RPGR: variants seen among roughly 807,000 people sequenced by gnomAD.
RPGR encodes X-linked retinitis pigmentosa GTPase regulator.
Under a neutral mutation model 56.3 loss-of-function variants are expected in RPGR, and 10 were observed. The observed-to-expected ratio is 0.18, with a 90% CI of 0.11 to 0.30. RPGR has a LOEUF of 0.30. RPGR is among the 10% of genes least tolerant of loss of function. The pLI is 1.00. For synonymous variants in RPGR, 197 were observed against 212.9 expected (o/e 0.93, Z 0.65); for missense variants, 538 against 590.9 (o/e 0.91, Z 0.93).
intron 10 of RPGR, 109 bp from the exon 11 acceptor site, chrX:38,297,561 C>T (rs1237784502): frequency 8.0e-6 from 5 of 622,318 alleles, no homozygotes; most frequent in Non-Finnish European, 1.3e-5. Context: ...TCAAAGTATG[C>T]CAACACTCCA....
In RPGR at chrX:38,285,988, TCTC is replaced by T. The variant is rs1465232215; in HGVS notation, c.1905+1103_1905+1105del. On this transcript the variant is annotated intron_variant, in intron 15 of 18. Transcript: ENST00000642395. ...TTCTCCCTCCCCTTCTTCCTCTCCC[TCTC>T]CTTCTTCCTCCCCTTCTTCTTCCCC... 7.5e-5 allele frequency: 58 copies of T among 774,251 alleles called. No individual in the cohort carries two copies. The highest frequency in any genetic ancestry group is 4.9e-4 in the South Asian group (20 of 40,645). 63.8% of individuals were successfully genotyped at this position (774,251 alleles called of 1,213,427 possible). A position where few individuals can be genotyped will look rare whatever the true frequency, so the allele number is the denominator to read the frequency against.
chrX:38,292,101 A>AT (rs1028724376), intron 11 of RPGR, among the ~76,000 whole-genome samples: 1 of 110,495 alleles, frequency 9.1e-6, no homozygotes, highest in Non-Finnish European at 1.9e-5. Flanking sequence ...GCCAATGGCC[A>AT]TGTGAATGAG....
Position 38,284,850 on chromosome X carries a change from T to A in RPGR, c.1905+2244A>T, listed in dbSNP as rs1045436722. The A allele has an allele frequency of 4.0e-6, 3 of 750,320 alleles. No homozygotes were observed. In the African/African-American group the frequency reaches 6.9e-5, roughly 17 times the overall value. The allele number at this position is 750,320 out of a possible 1,213,427, so 61.8% of individuals were successfully genotyped here. On this transcript the variant is annotated intron_variant, in intron 15 of 18. Coordinates refer to ENST00000642395, the MANE Select transcript of RPGR (RefSeq NM_000328.3). ...CCTGGACAAAAAATACTTCAAGTTT[T>A]ACATATTTCCAGATTATACATTTAA...
intron 15 of RPGR, among the ~76,000 whole-genome samples, chrX:38,280,804 C>T (rs1007423607): frequency 2.7e-5 from 3 of 110,408 alleles, no homozygotes; most frequent in East Asian, 2.8e-4. Context: ...CAAAGTTCTG[C>T]GATTACAGGT....
rs948736106 is a variant in RPGR, at chrX:38,290,950, A to G, written c.1572+9T>C. The G allele has an allele frequency of 5.2e-6, 5 of 964,477 alleles. No homozygotes were observed. The Admixed American group carries it at 6.9e-5, about 13-fold the overall frequency. 79.5% of individuals were successfully genotyped at this position (964,477 alleles called of 1,213,427 possible). On this transcript the variant is annotated intron_variant, in intron 13 of 18. Coordinates refer to ENST00000642395, the MANE Select transcript of RPGR (RefSeq NM_000328.3). The stretch of plus-strand genomic sequence containing the variant: ...CCAACAATAACGAAAATAAATCTTC[A>G]TATTATACCTTTTGTTTCTGAACTG...
At chrX:38,314,803 A>G (rs1006645903) in intron 6 of RPGR, among the ~76,000 whole-genome samples, 3 of 112,235 alleles carry the variant, frequency 2.7e-5, no homozygotes, top group Non-Finnish European at 5.6e-5. Context: ...TAACTATCTT[A>G]GTAATATGTT....
At chrX:38,284,799 A>C (rs1016764036) in intron 15 of RPGR, 12 of 738,732 alleles carry the variant, frequency 1.6e-5, no homozygotes, top group Non-Finnish European at 3.2e-6. Flanking sequence ...AGAGATGAAG[A>C]AACTGAGGCC....
At chrX:38,292,675 A>G (rs1207270677) in intron 11 of RPGR, among the ~76,000 whole-genome samples, 1 of 112,783 alleles carries the variant, frequency 8.9e-6, no homozygotes, top group East Asian at 2.8e-4. Context: ...GGGTATACAT[A>G]TACTAATAAG....
intron 11 of RPGR, among the ~76,000 whole-genome samples, chrX:38,292,821 C>A (rs1876569632): frequency 9.0e-6 from 1 of 110,945 alleles, no homozygotes. Context: ...TACAGAGGTA[C>A]ATAGAAAGAT....
Position 38,273,492 on chromosome X carries a change from T to C in RPGR, c.2150-15A>G. On this transcript the variant is annotated splice_polypyrimidine_tract_variant and intron_variant, in intron 17 of 18. Coordinates refer to ENST00000642395, the MANE Select transcript of RPGR (RefSeq NM_000328.3). ...AAGCATGTATCCTACAATTGGATCA[T>C]TCAGAAATACTAGTTTTAACTAATA... The C allele has an allele frequency of 8.7e-7, 1 of 1,143,786 alleles. No individual in the cohort carries two copies. Among genetic ancestry groups the C allele is most frequent in the Non-Finnish European group, 1.2e-6 (1 of 837,668 alleles). 94.3% of individuals were successfully genotyped at this position (1,143,786 alleles called of 1,213,427 possible).
Position 38,288,025 on chromosome X carries a change from C to T in RPGR, c.1589G>A (p.Gly530Glu). The change falls in exon 14 of 19, where the codon GGG (glycine) becomes GAG (glutamate). Residue 530 changes from glycine to glutamate, a missense_variant. By Grantham distance (98) the Gly-to-Glu change is moderately conservative. Transcript: ENST00000642395. ...AAGAGCTGTATCCTGCGTCAGTTCCCCAATTGTTTGTTGTTTCTGTAAATT... is the reference window on the plus strand; with the variant it reads ...AAGAGCTGTATCCTGCGTCAGTTCCTCAATTGTTTGTTGTTTCTGTAAATT... The T allele has an allele frequency of 8.3e-7, 1 of 1,209,201 alleles. No individual in the cohort carries two copies. Among genetic ancestry groups the T allele is most frequent in the Non-Finnish European group, 1.1e-6 (1 of 893,649 alleles).
In RPGR at chrX:38,287,369, C is replaced by A. The variant is rs751043485; in HGVS notation, c.1754-124G>T. ...TACCGTATGTTTTGGTCAGTTTCCA[C>A]TTCATCATCCTCTTTCTCTCCACTA... On this transcript the variant is annotated intron_variant, in intron 14 of 18. Coordinates refer to ENST00000642395, the MANE Select transcript of RPGR (RefSeq NM_000328.3). 6 of 1,025,577 alleles carry A rather than the reference C, an allele frequency of 5.9e-6. No individual in the cohort carries two copies. In the East Asian group the frequency reaches 1.5e-4, roughly 26 times the overall value. 84.5% of individuals were successfully genotyped at this position (1,025,577 alleles called of 1,213,427 possible).
At chrX:38,272,145 A>G (rs188597819) in intron 18 of RPGR, among the ~76,000 whole-genome samples, 3 of 111,180 alleles carry the variant, frequency 2.7e-5, no homozygotes, top group African/African-American at 9.9e-5. Flanking sequence ...ATTAAAAGAC[A>G]TGTACCCATA....
chrX:38,288,147 G>T, intron 13 of RPGR, 106 bp from the exon 14 acceptor site: 2 of 751,399 alleles, frequency 2.7e-6, no homozygotes. Context: ...TATAAGTTTA[G>T]GAGAATCAAA....
Position 38,299,059 on chromosome X carries a change from T to C in RPGR, c.1142A>G (p.Asn381Ser), listed in dbSNP as rs778997316. 8.3e-7 allele frequency: 1 copy of C among 1,211,708 alleles called. No individual in the cohort carries two copies. The highest frequency in any genetic ancestry group is 2.2e-5 in the Admixed American group (1 of 46,022). The change falls in exon 10 of 19, where the codon AAT becomes AGT. Residue 381 changes from asparagine to serine, a missense_variant. Asn to Ser is a conservative substitution (Grantham distance 46). Coordinates refer to ENST00000642395, the MANE Select transcript of RPGR (RefSeq NM_000328.3). ...AGTCGCCACAGATAAGCAAGTATCA[T>C]TTATTTCATCGAATTCAATTTCTTT...
At chrX:38,275,915 C>T (rs896537320) in intron 16 of RPGR, among the ~76,000 whole-genome samples, 6 of 111,518 alleles carry the variant, frequency 5.4e-5, no homozygotes, top group African/African-American at 1.3e-4. Context: ...CTTTGGGTTG[C>T]GGAATTCCAT....
chrX:38,324,119 T>C (rs1272649518), intron 1 of RPGR, among the ~76,000 whole-genome samples: 1 of 111,975 alleles, frequency 8.9e-6, no homozygotes, highest in Non-Finnish European at 1.9e-5. Flanking sequence ...GGTCTCACTC[T>C]GTCACCCAGC....
chrX:38,295,469 G>T lies in RPGR; in HGVS notation c.1414+1815C>A, dbSNP rs376154988. Reference sequence around the variant, plus strand: ...CCTTTTGATCTAGCTACAAAATCATGCATATTTTCACATTCAAATCTCTGG... The same window carrying T: ...CCTTTTGATCTAGCTACAAAATCATTCATATTTTCACATTCAAATCTCTGG... On this transcript the variant is annotated intron_variant, in intron 11 of 18. Coordinates refer to ENST00000642395, the MANE Select transcript of RPGR (RefSeq NM_000328.3). 3.4e-3 allele frequency among the ~76,000 whole-genome samples: 378 copies of T among 112,262 alleles called. 1 individual carries two copies. The highest frequency in any genetic ancestry group is 0.012 in the African/African-American group (358 of 30,951).
intron 11 of RPGR, chrX:38,296,159 C>T (rs2067378215): frequency 9.1e-6 from 1 of 110,022 alleles, no homozygotes; most frequent in Non-Finnish European, 1.9e-5. Flanking sequence ...AAAAAAAATA[C>T]AAAAAATTAG....
Sources: allele counts gnomAD v4.1 joint callset (sites outside exome capture counted in the v4.1 genomes callset), GRCh38; gene constraint gnomAD v4.1.1; transcripts MANE v1.5; gene names NCBI Gene and HGNC (gene_info 2026-07-23, HGNC 2026-07-21).